NOS1AP: variants seen among roughly 807,000 people sequenced by gnomAD.
NOS1AP encodes carboxyl-terminal PDZ ligand of neuronal nitric oxide synthase protein.
In NOS1AP, 21 loss-of-function variants were observed where a neutral mutation model predicts 56.2. The observed-to-expected ratio is 0.37, with a 90% CI of 0.26 to 0.54. NOS1AP has a LOEUF of 0.54. Among genes scored for constraint, NOS1AP ranks in the 20% least tolerant of loss-of-function variants. The pLI, the probability that NOS1AP is intolerant of heterozygous loss-of-function variation, is 0.84. For missense variants in NOS1AP, 522 were observed against 657.8 expected (o/e 0.79, Z 2.26); for synonymous variants, 270 against 274.6 (o/e 0.98, Z 0.17).
At chr1:162,158,192 C>G (rs1459863192) in intron 2 of NOS1AP, among the ~76,000 whole-genome samples, 1 of 152,192 alleles carries the variant, frequency 6.6e-6, no homozygotes, top group Non-Finnish European at 1.5e-5. Context: ...TACCTTTCTA[C>G]TCTCTGTTTC....
chr1:162,302,420 T>C (rs541174966), intron 4 of NOS1AP, among the ~76,000 whole-genome samples: 1 of 152,328 alleles, frequency 6.6e-6, no homozygotes, highest in South Asian at 2.1e-4. Flanking sequence ...AAGAAACAGA[T>C]TGCATCAGAA....
chr1:162,239,430 A>G (rs1367223466), intron 2 of NOS1AP, among the ~76,000 whole-genome samples: 1 of 152,218 alleles, frequency 6.6e-6, no homozygotes, highest in African/African-American at 2.4e-5. Flanking sequence ...AATTTGACAT[A>G]TTATAATGAC....
At chr1:162,327,310 T>C (rs1296721593) in intron 4 of NOS1AP, among the ~76,000 whole-genome samples, 4 of 152,162 alleles carry the variant, frequency 2.6e-5, no homozygotes, top group Non-Finnish European at 2.9e-5. Flanking sequence ...CTACCATGTG[T>C]CCAGGCCTGA....
chr1:162,356,185 G>A lies in NOS1AP; in HGVS notation c.763-775G>A, dbSNP rs371985438. The stretch of plus-strand genomic sequence containing the variant: ...TGGAAACAGCCCTGTGTCACTGGGG[G>A]CCTTCCTTGTGTATGTCTGAAGAAG... On this transcript the variant is annotated intron_variant, in intron 7 of 9. Coordinates refer to ENST00000361897, the MANE Select transcript of NOS1AP (RefSeq NM_014697.3). 1.4e-3 allele frequency among the ~76,000 whole-genome samples: 208 copies of A among 152,262 alleles called. 1 individual carries two copies. In the South Asian group the frequency reaches 0.025, roughly 18 times the overall value.
At chr1:162,339,838 G>T (rs1487660239) in intron 5 of NOS1AP, among the ~76,000 whole-genome samples, 1 of 152,224 alleles carries the variant, frequency 6.6e-6, no homozygotes, top group Admixed American at 6.5e-5. Flanking sequence ...AGATGGTGAA[G>T]ACACAGCCCC....
chr1:162,302,729 A>T (rs1655704950), intron 4 of NOS1AP, among the ~76,000 whole-genome samples: 1 of 152,218 alleles, frequency 6.6e-6, no homozygotes, highest in African/African-American at 2.4e-5. Context: ...AATAAATCTC[A>T]GTCAAGATGG....
chr1:162,080,981 C>T (rs1400324857), intron 1 of NOS1AP, among the ~76,000 whole-genome samples: 1 of 152,136 alleles, frequency 6.6e-6, no homozygotes, highest in East Asian at 1.9e-4. Context: ...TGGTCTACAT[C>T]TAGTAGTGGG....
Position 162,099,199 on chromosome 1 carries a change from T to C in NOS1AP, c.105+28917T>C, listed in dbSNP as rs527544041. Among the ~76,000 whole-genome samples, 4 of 150,768 alleles carry C rather than the reference T, an allele frequency of 2.7e-5. No individual in the cohort carries two copies. In the East Asian group the frequency reaches 5.8e-4, roughly 22 times the overall value. ...TGTTACTTTTTGACTTTTTTTTTGT[T>C]TTTTTTTTTTGAGATGGAGTCTCGC... On this transcript the variant is annotated intron_variant, in intron 1 of 9. Coordinates refer to ENST00000361897, the MANE Select transcript of NOS1AP (RefSeq NM_014697.3).
chr1:162,349,540 G>A (rs1420569662), intron 6 of NOS1AP, among the ~76,000 whole-genome samples: 2 of 152,146 alleles, frequency 1.3e-5, no homozygotes, highest in Non-Finnish European at 2.9e-5. Context: ...GCTAATCCTT[G>A]GCAAATTTCA....
Position 162,367,482 on chromosome 1 carries a change from G to A in NOS1AP, c.*15G>A. 1 of 1,542,462 alleles carries A rather than the reference G, an allele frequency of 6.5e-7. No individual in the cohort carries two copies. The highest frequency in any genetic ancestry group is 8.8e-7 in the Non-Finnish European group (1 of 1,142,216). On this transcript the variant is annotated 3_prime_UTR_variant, in exon 10 of 10. Transcript: ENST00000361897. The surrounding 1 kb of genome is among the most constrained non-coding windows in gnomAD (Gnocchi z 6.5). ...TCGCCGTGTAGGTGCCGAGGGCGAG[G>A]AGATGGAGGCGGCGGCGTGGCTGGA...
intron 4 of NOS1AP, among the ~76,000 whole-genome samples, chr1:162,326,854 G>T (rs1656605570): frequency 6.6e-6 from 1 of 152,194 alleles, no homozygotes; most frequent in African/African-American, 2.4e-5. Context: ...GTAAGATGAG[G>T]TCTCATGGCC....
intron 1 of NOS1AP, among the ~76,000 whole-genome samples, chr1:162,097,476 A>G (rs956659363): frequency 6.6e-6 from 1 of 152,016 alleles, no homozygotes; most frequent in African/African-American, 2.4e-5. Flanking sequence ...TGTGATCATA[A>G]TAGTGTTCTT....
chr1:162,075,486 G>T (rs774301598), intron 1 of NOS1AP, among the ~76,000 whole-genome samples: 2 of 152,216 alleles, frequency 1.3e-5, no homozygotes, highest in African/African-American at 2.4e-5. Flanking sequence ...AAGGCCTCCA[G>T]ATGAATGACA....
chr1:162,318,028 G>GCCC (rs1209847164), intron 4 of NOS1AP, among the ~76,000 whole-genome samples: 6 of 152,132 alleles, frequency 3.9e-5, no homozygotes, highest in Non-Finnish European at 8.8e-5. Flanking sequence ...GGTAGGACTG[G>GCCC]CCCCCACCTT....
chr1:162,145,597 A>G (rs979806165), intron 1 of NOS1AP, among the ~76,000 whole-genome samples: 2 of 152,182 alleles, frequency 1.3e-5, no homozygotes, highest in Non-Finnish European at 2.9e-5. Context: ...CCCGCTCAGC[A>G]GGACGCTCAG....
chr1:162,214,780 A>T (rs1652500589), intron 2 of NOS1AP, among the ~76,000 whole-genome samples: 2 of 152,178 alleles, frequency 1.3e-5, no homozygotes. Context: ...GGAAATAGCT[A>T]CTATTTTCTT....
chr1:162,368,169 G>A lies in NOS1AP; in HGVS notation c.*702G>A, dbSNP rs1204287855. On this transcript the variant is annotated 3_prime_UTR_variant, in exon 10 of 10. Coordinates refer to ENST00000361897, the MANE Select transcript of NOS1AP (RefSeq NM_014697.3). ...AGCTTTAACATGGTTCAGGCCCTTGGTGTGAGAGCCCAGGGGGAGGACAGC... is the reference window on the plus strand; with the variant it reads ...AGCTTTAACATGGTTCAGGCCCTTGATGTGAGAGCCCAGGGGGAGGACAGC... 2 of 152,258 alleles carry A rather than the reference G, an allele frequency of 1.3e-5. No homozygotes were observed. The highest frequency in any genetic ancestry group is 4.8e-5 in the African/African-American group (2 of 41,402). The allele number at this position is 152,258 out of a possible 1,614,324, so 9.4% of individuals were successfully genotyped here.
At chr1:162,362,917 C>T in intron 8 of NOS1AP, 3 of 970,692 alleles carry the variant, frequency 3.1e-6, no homozygotes, top group Non-Finnish European at 3.7e-6. Context: ...ACATTTCTTT[C>T]CCTGTTGAGT....
chr1:162,129,608 G>A (rs1648657730), intron 1 of NOS1AP, among the ~76,000 whole-genome samples: 1 of 152,154 alleles, frequency 6.6e-6, no homozygotes. Flanking sequence ...CATTGACACT[G>A]GTCTTCATGA....
Sources: allele counts gnomAD v4.1 joint callset (sites outside exome capture counted in the v4.1 genomes callset), GRCh38; gene constraint gnomAD v4.1.1; non-coding constraint Gnocchi (gnomAD v3.1); transcripts MANE v1.5; gene names NCBI Gene and HGNC (gene_info 2026-07-23, HGNC 2026-07-21).